Variants in PAN3 observed in about 807,000 individuals in gnomAD.
PAN3 encodes PAN2-PAN3 deadenylation complex subunit PAN3.
PAN3 carries 19 observed loss-of-function variants against 96.2 expected under a neutral mutation model. That is an observed-to-expected ratio of 0.20 (90% CI 0.14 to 0.29). The LOEUF (loss-of-function observed/expected upper bound fraction) is 0.29, where lower values mean the gene tolerates loss of function less well. Ranked by LOEUF, PAN3 falls within the 10% of genes least tolerant of loss-of-function variation. The pLI is 1.00. For missense variants in PAN3, 882 were observed against 1,108.1 expected (o/e 0.80, Z 2.90); for synonymous variants, 433 against 406.6 (o/e 1.06, Z -0.78).
In PAN3 at chr13:28,150,774, T is replaced by A. The variant is rs532934832; in HGVS notation, c.430+11687T>A. ...ATTCATTTAATTGGTTAATAAACAT[T>A]TATTGAGTGTTTACTCTGTTAGGTA... On this transcript the variant is annotated intron_variant, in intron 1 of 18. Coordinates refer to ENST00000380958, the MANE Select transcript of PAN3 (RefSeq NM_175854.8). Among the ~76,000 whole-genome samples, 10 of 152,320 alleles carry A rather than the reference T, an allele frequency of 6.6e-5. 1 individual carries two copies. The South Asian group carries it at 2.1e-3, about 32-fold the overall frequency.
At chr13:28,257,803 TA>T (rs1885337546) in intron 7 of PAN3, among the ~76,000 whole-genome samples, 1 of 136,632 alleles carries the variant, frequency 7.3e-6, no homozygotes, top group Non-Finnish European at 1.6e-5. Flanking sequence ...AATTAATATA[TA>T]AAATTATATA....
At chr13:28,199,448 G>A (rs956318180) in intron 5 of PAN3, among the ~76,000 whole-genome samples, 2 of 152,086 alleles carry the variant, frequency 1.3e-5, no homozygotes, top group African/African-American at 4.8e-5. Flanking sequence ...TGAATCTAAT[G>A]TTTCCAATAC....
chr13:28,201,276 T>C (rs1878664929), intron 5 of PAN3, among the ~76,000 whole-genome samples: 1 of 151,880 alleles, frequency 6.6e-6, no homozygotes, highest in Admixed American at 6.6e-5. Flanking sequence ...ACTCCTGGGC[T>C]CAAGCTATCC....
chr13:28,266,986 A>G, intron 10 of PAN3, 109 bp from the exon 11 acceptor site: 3 of 1,286,552 alleles, frequency 2.3e-6, no homozygotes, highest in Non-Finnish European at 3.1e-6. Context: ...TTATTTGGAA[A>G]TTAGTACCTC....
At chr13:28,234,733 T>C (rs1244912165) in intron 6 of PAN3, among the ~76,000 whole-genome samples, 3 of 152,154 alleles carry the variant, frequency 2.0e-5, no homozygotes, top group African/African-American at 7.2e-5. Context: ...TTGAGTATTC[T>C]TTATTTTTCT....
intron 4 of PAN3, among the ~76,000 whole-genome samples, chr13:28,187,305 A>G (rs1352430955): frequency 6.6e-6 from 1 of 152,124 alleles, no homozygotes; most frequent in Non-Finnish European, 1.5e-5. Context: ...CCAGCCTGGG[A>G]AACAGAGCAA....
chr13:28,271,660 C>G (rs1361625665), intron 13 of PAN3, among the ~76,000 whole-genome samples: 1 of 152,180 alleles, frequency 6.6e-6, no homozygotes, highest in Non-Finnish European at 1.5e-5. Flanking sequence ...AGAAAGCTAA[C>G]TAGTTCTCTT....
intron 5 of PAN3, among the ~76,000 whole-genome samples, chr13:28,203,385 C>T (rs1206136147): frequency 1.3e-5 from 2 of 152,192 alleles, no homozygotes; most frequent in Non-Finnish European, 2.9e-5. Flanking sequence ...CCCACTGCAG[C>T]GTCTACCTCC....
rs9554293 is a variant in PAN3, at chr13:28,254,279, T to C, written c.1001-2013T>C. Among the ~76,000 whole-genome samples the C allele has an allele frequency of 4.5e-4, 68 of 152,344 alleles. 1 individual carries two copies. In the East Asian group the frequency reaches 0.011, roughly 24 times the overall value. On this transcript the variant is annotated intron_variant, in intron 6 of 18. Transcript: ENST00000380958. Reference sequence around the variant, plus strand: ...TGTCCTTACAGTAATTATTTTGATCTTTTAAGTTAGTTTCTCCTCTGAAAT... The same window carrying C: ...TGTCCTTACAGTAATTATTTTGATCCTTTAAGTTAGTTTCTCCTCTGAAAT...
intron 4 of PAN3, among the ~76,000 whole-genome samples, chr13:28,184,429 G>C (rs997776678): frequency 1.3e-5 from 2 of 152,096 alleles, no homozygotes; most frequent in African/African-American, 4.8e-5. Context: ...TATGAGAAGG[G>C]TAAGTTGACT....
chr13:28,271,917 A>G, intron 13 of PAN3, 64 bp from the exon 14 acceptor site: 1 of 1,151,888 alleles, frequency 8.7e-7, no homozygotes, highest in South Asian at 1.8e-5. Context: ...TTACTTTTCC[A>G]TGAGTATGCA....
intron 1 of PAN3, among the ~76,000 whole-genome samples, chr13:28,152,821 A>G (rs192927514): frequency 2.3e-4 from 35 of 152,356 alleles, no homozygotes; most frequent in African/African-American, 7.2e-4. Flanking sequence ...ACAAGTGAAT[A>G]AAAGCAAATT....
At chr13:28,153,671 T>C (rs1330447853) in intron 1 of PAN3, among the ~76,000 whole-genome samples, 1 of 152,186 alleles carries the variant, frequency 6.6e-6, no homozygotes, top group Non-Finnish European at 1.5e-5. Flanking sequence ...CTCAAGTCTC[T>C]TATAATCAGA....
intron 1 of PAN3, among the ~76,000 whole-genome samples, chr13:28,170,932 G>T (rs1338133500): frequency 6.6e-6 from 1 of 152,136 alleles, no homozygotes; most frequent in Non-Finnish European, 1.5e-5. Context: ...GAGTAGCTGG[G>T]ACTACAGGCA....
chr13:28,190,915 G>A (rs534674852), intron 4 of PAN3, among the ~76,000 whole-genome samples: 26 of 152,326 alleles, frequency 1.7e-4, no homozygotes, highest in African/African-American at 6.0e-4. Context: ...TAACTTACAC[G>A]TGTGGAGCAC....
chr13:28,156,659 A>G (rs1872207463), intron 1 of PAN3, among the ~76,000 whole-genome samples: 1 of 152,210 alleles, frequency 6.6e-6, no homozygotes, highest in African/African-American at 2.4e-5. Flanking sequence ...AAAAATCTTC[A>G]ACAAAATACT....
chr13:28,187,051 G>A (rs1490803219), intron 4 of PAN3, among the ~76,000 whole-genome samples: 1 of 151,802 alleles, frequency 6.6e-6, no homozygotes, highest in Non-Finnish European at 1.5e-5. Flanking sequence ...AAAAGCCCTC[G>A]TGAGATGACT....
At chr13:28,266,677 C>T (rs1312839816) in intron 9 of PAN3, 38 bp from the exon 10 acceptor site, 2 of 1,435,680 alleles carry the variant, frequency 1.4e-6, no homozygotes, top group East Asian at 2.4e-5. Context: ...TTTATGAATG[C>T]CTGTATTTTC....
At chr13:28,264,090 G>A (rs1164086760) in intron 9 of PAN3, among the ~76,000 whole-genome samples, 1 of 151,874 alleles carries the variant, frequency 6.6e-6, no homozygotes, top group African/African-American at 2.4e-5. Context: ...TTTTTCTTCT[G>A]TAGGAAATAT....
Sources: gnomAD v4.1 joint callset for allele counts (sites outside exome capture counted in the v4.1 genomes callset) on GRCh38, gnomAD v4.1.1 for gene constraint, MANE v1.5 for transcripts, NCBI Gene and HGNC (gene_info 2026-07-23, HGNC 2026-07-21) for gene names.